The following OPCML variants were observed in gnomAD, a reference collection of about 807,000 sequenced individuals.
OPCML encodes the protein opioid-binding protein/cell adhesion molecule.
A neutral mutation model predicts 37.8 loss-of-function variants in OPCML; 13 were observed. That is an observed-to-expected ratio of 0.34 (90% CI 0.22 to 0.55). OPCML has a LOEUF of 0.55. Among genes scored for constraint, OPCML ranks in the 20% least tolerant of loss-of-function variants. OPCML has a pLI of 0.91. For synonymous variants in OPCML, 176 were observed against 168.8 expected, an observed-to-expected ratio of 1.04 and a Z score of -0.33; for missense variants, 341 against 435.6, an observed-to-expected ratio of 0.78 and a Z score of 1.93.
chr11:132,724,754 T>C (rs1024536229), intron 2 of OPCML, among the ~76,000 whole-genome samples: 2 of 152,118 alleles, frequency 1.3e-5, no homozygotes, highest in African/African-American at 4.8e-5. Context: ...GGTACAGGCA[T>C]TGGGTAAATA....
rs140875136 is a variant in OPCML at position 133,342,109 on chromosome 11, C to T, written c.61+190155G>A. Reference sequence around the variant, plus strand: ...GGCAGGAAGACAGCTTTGAGGCTTCCATGTGATATCTCCCGGCTAGGCATT... The same window carrying T: ...GGCAGGAAGACAGCTTTGAGGCTTCTATGTGATATCTCCCGGCTAGGCATT... On this transcript the variant is annotated intron_variant, in intron 1 of 7. Coordinates refer to ENST00000524381, the MANE Select transcript of OPCML (RefSeq NM_001012393.5). Among the ~76,000 whole-genome samples, 12 of 152,206 alleles carry T rather than the reference C, an allele frequency of 7.9e-5. No individual in the cohort carries two copies. In the East Asian group the frequency reaches 2.3e-3, roughly 30 times the overall value.
intron 1 of OPCML, among the ~76,000 whole-genome samples, chr11:133,028,806 A>T (rs1480047124): frequency 3.9e-5 from 6 of 152,078 alleles, no homozygotes; most frequent in African/African-American, 1.4e-4. Flanking sequence ...TAGACAAATA[A>T]TTTATGACTA....
At chr11:133,118,352 C>T (rs1949367997) in intron 1 of OPCML, 6 of 985,200 alleles carry the variant, frequency 6.1e-6, no homozygotes, top group African/African-American at 3.5e-5. Flanking sequence ...AAGGACATGC[C>T]GGTTGTTTAA....
intron 1 of OPCML, among the ~76,000 whole-genome samples, chr11:133,123,746 T>C (rs1161625940): frequency 2.0e-5 from 3 of 152,106 alleles, no homozygotes; most frequent in Non-Finnish European, 4.4e-5. Flanking sequence ...GGTCTCTCTC[T>C]GTGGTTGTTC....
intron 1 of OPCML, among the ~76,000 whole-genome samples, chr11:133,178,155 A>G (rs1937641227): frequency 6.6e-6 from 1 of 152,186 alleles, no homozygotes; most frequent in South Asian, 2.1e-4. Context: ...GCCATGCAAT[A>G]TCACTGGGCC....
At chr11:133,245,422 C>G (rs962757329) in intron 1 of OPCML, among the ~76,000 whole-genome samples, 2 of 152,140 alleles carry the variant, frequency 1.3e-5, no homozygotes, top group Non-Finnish European at 2.9e-5. Context: ...GTTCAAGGGG[C>G]CAGGTCAAAG....
At position 132,795,001 on chromosome 11, in the gene OPCML, C is replaced by A. The variant is rs188409649; in HGVS notation, c.147-137682G>T. 2.7e-5 allele frequency among the ~76,000 whole-genome samples: 4 copies of A among 150,498 alleles called. No homozygotes were observed. In the East Asian group the frequency reaches 5.8e-4, roughly 22 times the overall value. On this transcript the variant is annotated intron_variant, in intron 2 of 7. Transcript: ENST00000524381. ...TAAATGTATAGAAAAATAATAAAAA[C>A]GTGAGTGAAACTGACATATACCAAA...
chr11:133,346,665 T>A (rs767697776), intron 1 of OPCML, among the ~76,000 whole-genome samples: 10 of 152,044 alleles, frequency 6.6e-5, no homozygotes, highest in Middle Eastern at 3.2e-3. Context: ...TTAAAGAAAA[T>A]TCAAGACAAA....
chr11:133,197,963 C>A (rs548769735), intron 1 of OPCML, among the ~76,000 whole-genome samples: 1 of 152,284 alleles, frequency 6.6e-6, no homozygotes, highest in Non-Finnish European at 1.5e-5. Flanking sequence ...CACTGCACAA[C>A]CGCCAGGCCT....
intron 1 of OPCML, among the ~76,000 whole-genome samples, chr11:133,277,388 T>TA (rs879617391): frequency 0.012 from 1,752 of 148,168 alleles, 19 homozygotes; most frequent in African/African-American, 0.031. Flanking sequence ...CCTTCAGGTG[T>TA]AAAAAAAAAA....
chr11:132,518,050 C>A (rs2096284001), intron 4 of OPCML, among the ~76,000 whole-genome samples: 1 of 152,104 alleles, frequency 6.6e-6, no homozygotes, highest in African/African-American at 2.4e-5. Context: ...AGAATAAAGA[C>A]AAAACTTTTT....
intron 1 of OPCML, among the ~76,000 whole-genome samples, chr11:133,165,888 A>T (rs186066399): frequency 1.3e-5 from 2 of 152,270 alleles, no homozygotes; most frequent in Admixed American, 1.3e-4. Context: ...GGACACCACA[A>T]CCGCAGAATA....
intron 1 of OPCML, among the ~76,000 whole-genome samples, chr11:133,499,214 G>C (rs932733744): frequency 1.3e-5 from 2 of 152,138 alleles, no homozygotes; most frequent in African/African-American, 4.8e-5. Context: ...TGGAGAGTGA[G>C]GGAAAAAGTC....
At position 132,799,386 on chromosome 11, in the gene OPCML, T is replaced by C. The variant is rs80003821; in HGVS notation, c.147-142067A>G. ...TTCTGCTAGCTTCAAACACTTCTTC[T>C]ACAGCTTCCTCACCTCCCTCAGACT... On this transcript the variant is annotated intron_variant, in intron 2 of 7. Coordinates refer to ENST00000524381, the MANE Select transcript of OPCML (RefSeq NM_001012393.5). 1.4e-4 allele frequency among the ~76,000 whole-genome samples: 22 copies of C among 152,300 alleles called. No homozygotes were observed. The East Asian group carries it at 4.1e-3, about 28-fold the overall frequency.
At chr11:133,210,897 G>C (rs1388200352) in intron 1 of OPCML, among the ~76,000 whole-genome samples, 7 of 152,042 alleles carry the variant, frequency 4.6e-5, no homozygotes, top group Non-Finnish European at 1.5e-5. Flanking sequence ...AGAATGTTTT[G>C]GGTCTCTTGA....
intron 1 of OPCML, chr11:133,026,401 G>A (rs1272535555): frequency 1.0e-6 from 1 of 985,428 alleles, no homozygotes; most frequent in Non-Finnish European, 1.2e-6. Context: ...CACCTTGCCT[G>A]CCTCTTCTTT....
In OPCML at chr11:133,264,208, T is replaced by A. The variant is rs528320943; in HGVS notation, c.61+268056A>T. Among the ~76,000 whole-genome samples, 3 of 152,228 alleles carry A rather than the reference T, an allele frequency of 2.0e-5. No individual in the cohort carries two copies. The East Asian group carries it at 5.8e-4, about 29-fold the overall frequency. On this transcript the variant is annotated intron_variant, in intron 1 of 7. Transcript: ENST00000524381. ...AAAGGCAAGGACCAAGGCAAGTTAA[T>A]ACCTGAAGGAAAGGAATTCCCAGGG... is the stretch of plus-strand genomic sequence containing the variant.
chr11:133,225,671 C>G (rs1282444850), intron 1 of OPCML, among the ~76,000 whole-genome samples: 1 of 152,074 alleles, frequency 6.6e-6, no homozygotes, highest in Non-Finnish European at 1.5e-5. Flanking sequence ...AAAACTGAGG[C>G]CTACAGAGAG....
chr11:133,236,634 T>C (rs1330849454), intron 1 of OPCML, among the ~76,000 whole-genome samples: 1 of 152,248 alleles, frequency 6.6e-6, no homozygotes, highest in African/African-American at 2.4e-5. Context: ...ATGTATGTTA[T>C]GTTCTTAGCT....
Sources: gnomAD v4.1 joint callset for allele counts (sites outside exome capture counted in the v4.1 genomes callset) on GRCh38, gnomAD v4.1.1 for gene constraint, MANE v1.5 for transcripts, NCBI Gene and HGNC (gene_info 2026-07-23, HGNC 2026-07-21) for gene names.